The following SYT1 variants were observed in gnomAD, a reference collection of about 807,000 sequenced individuals.
SYT1 encodes the protein synaptotagmin 1.
SYT1 carries 8 observed loss-of-function variants against 44.8 expected under a neutral mutation model. The ratio of observed to expected loss-of-function variants is 0.18; its 90% CI spans 0.10 to 0.32. The LOEUF (loss-of-function observed/expected upper bound fraction) is 0.32. Among genes scored for constraint, SYT1 ranks in the 10% least tolerant of loss-of-function variants. SYT1 has a pLI of 1.00. For synonymous variants in SYT1, 154 were observed against 188.8 expected (o/e 0.82, Z 1.51); for missense variants, 286 against 509.3 (o/e 0.56, Z 4.22).
chr12:79,144,908 A>G (rs1869781623), intron 3 of SYT1, among the ~76,000 whole-genome samples: 2 of 152,176 alleles, frequency 1.3e-5, no homozygotes, highest in Admixed American at 1.3e-4. Context: ...ACACATTCAG[A>G]GCTTGGTACC....
chr12:79,041,175 C>A (rs1025116864), intron 2 of SYT1, among the ~76,000 whole-genome samples: 6 of 151,030 alleles, frequency 4.0e-5, no homozygotes, highest in African/African-American at 1.2e-4. Context: ...TCATTGGTAG[C>A]TTGATGGGGA....
chr12:79,424,973 G>C (rs1159055371), intron 9 of SYT1, among the ~76,000 whole-genome samples: 1 of 23,452 alleles, frequency 4.3e-5, no homozygotes. Flanking sequence ...TTTTTTTTTT[G>C]AGACATTTAA....
At chr12:79,135,962 C>G (rs1437095323) in intron 3 of SYT1, among the ~76,000 whole-genome samples, 1 of 152,174 alleles carries the variant, frequency 6.6e-6, no homozygotes, top group Non-Finnish European at 1.5e-5. Flanking sequence ...AGCTTTCACT[C>G]CAAGTCAACT....
intron 2 of SYT1, chr12:79,045,881 G>A (rs1874012828): frequency 6.6e-6 from 1 of 152,138 alleles, no homozygotes. Context: ...TTTTTTAATA[G>A]AATGTCTTTG....
chr12:79,180,384 C>T (rs1186140259), intron 3 of SYT1, among the ~76,000 whole-genome samples: 1 of 151,960 alleles, frequency 6.6e-6, no homozygotes, highest in Non-Finnish European at 1.5e-5. Context: ...CTAGACAAGC[C>T]TCAACATATG....
intron 3 of SYT1, among the ~76,000 whole-genome samples, chr12:79,212,707 T>G (rs1874534405): frequency 6.6e-6 from 1 of 152,234 alleles, no homozygotes; most frequent in Non-Finnish European, 1.5e-5. Flanking sequence ...AGATGACTTG[T>G]GTCTTCCATT....
chr12:79,203,399 G>T (rs1281393334), intron 3 of SYT1, among the ~76,000 whole-genome samples: 44 of 152,094 alleles, frequency 2.9e-4, no homozygotes, highest in Non-Finnish European at 1.5e-5. Context: ...TCACCACCCA[G>T]CAAAGGAGAT....
rs1005700954 is a variant in SYT1, at chr12:78,865,571, G to C, written c.-217+462G>C. Reference sequence around the variant, plus strand: ...CTGTTGGGGAGAGGGATATGGGGGGGGGGGGGAACGTAAACAAGATAGAAT... The same window carrying C: ...CTGTTGGGGAGAGGGATATGGGGGGCGGGGGGAACGTAAACAAGATAGAAT... On this transcript the variant is annotated intron_variant, in intron 1 of 10. Transcript: ENST00000261205. Among the ~76,000 whole-genome samples the C allele has an allele frequency of 7.9e-5, 12 of 152,028 alleles. No homozygotes were observed. In the East Asian group the frequency reaches 9.7e-4, roughly 12 times the overall value.
chr12:79,128,827 A>G (rs1448767924), intron 3 of SYT1, among the ~76,000 whole-genome samples: 3 of 152,178 alleles, frequency 2.0e-5, no homozygotes, highest in Non-Finnish European at 4.4e-5. Flanking sequence ...TTACCTTACT[A>G]ACTTCTCTTC....
intron 3 of SYT1, among the ~76,000 whole-genome samples, chr12:79,209,681 A>G (rs1874326509): frequency 6.6e-6 from 1 of 152,192 alleles, no homozygotes; most frequent in East Asian, 1.9e-4. Flanking sequence ...GCACTGCCTG[A>G]AGCTGGGGGA....
At chr12:79,013,062 G>A (rs1871526175) in intron 2 of SYT1, among the ~76,000 whole-genome samples, 1 of 151,980 alleles carries the variant, frequency 6.6e-6, no homozygotes. Flanking sequence ...TTTCACATGT[G>A]AGCTCAGGAG....
At chr12:79,335,768 C>CT (rs1253853347) in intron 8 of SYT1, among the ~76,000 whole-genome samples, 1 of 152,166 alleles carries the variant, frequency 6.6e-6, no homozygotes, top group African/African-American at 2.4e-5. Context: ...TCTCCAAGCA[C>CT]TTTCTTCTCA....
rs1565920012 is a variant in SYT1, at chr12:79,349,057, G to GAGAAAGAAAGAAAGAAAT, written c.811-4445_811-4444insAGAAAGAAAGAAAGAAAT. Among the ~76,000 whole-genome samples, 3 of 134,992 alleles carry GAGAAAGAAAGAAAGAAAT rather than the reference G, an allele frequency of 2.2e-5. No individual in the cohort carries two copies. The South Asian group carries it at 7.0e-4, about 32-fold the overall frequency. The allele number at this position is 134,992 out of a possible 152,430, so 88.6% of individuals were successfully genotyped here. On this transcript the variant is annotated intron_variant, in intron 8 of 10. Coordinates refer to ENST00000261205, the MANE Select transcript of SYT1 (RefSeq NM_005639.3). ...AAAAAGAAAGAAAGAAAGAAAGAAAGGAGGGAGGGAGGGAGGGAGGGAAGG... is the reference window on the plus strand; with the variant it reads ...AAAAAGAAAGAAAGAAAGAAAGAAAGAGAAAGAAAGAAAGAAATGAGGGAGGGAGGGAGGGAGGGAAGG...
intron 3 of SYT1, among the ~76,000 whole-genome samples, chr12:79,146,644 G>C (rs1869932241): frequency 6.6e-6 from 1 of 152,092 alleles, no homozygotes; most frequent in Admixed American, 6.5e-5. Context: ...ACAAAAAGGA[G>C]TGTCTGTACT....
At chr12:79,310,388 G>C (rs1441469939) in intron 8 of SYT1, among the ~76,000 whole-genome samples, 1 of 151,888 alleles carries the variant, frequency 6.6e-6, no homozygotes, top group Non-Finnish European at 1.5e-5. Flanking sequence ...CTCTGTTTTG[G>C]TACCAGTACC....
At chr12:78,879,745 C>A (rs1394130741) in intron 1 of SYT1, among the ~76,000 whole-genome samples, 1 of 151,790 alleles carries the variant, frequency 6.6e-6, no homozygotes, top group Non-Finnish European at 1.5e-5. Context: ...TTATCCTTAA[C>A]TTGACTTTCA....
At chr12:79,416,768 G>A (rs996050702) in intron 9 of SYT1, among the ~76,000 whole-genome samples, 4 of 152,108 alleles carry the variant, frequency 2.6e-5, no homozygotes, top group African/African-American at 9.7e-5. Flanking sequence ...ATGCATTTCT[G>A]CTTTGAAAGG....
chr12:79,086,131 C>T (rs941595159), intron 3 of SYT1, among the ~76,000 whole-genome samples: 1 of 151,936 alleles, frequency 6.6e-6, no homozygotes, highest in Non-Finnish European at 1.5e-5. Context: ...GAATCTAGAA[C>T]ATAAAGAAGA....
chr12:78,985,409 C>G (rs957744617), intron 2 of SYT1, among the ~76,000 whole-genome samples: 1 of 151,638 alleles, frequency 6.6e-6, no homozygotes, highest in Non-Finnish European at 1.5e-5. Flanking sequence ...TAAAATAACT[C>G]CCCTTCAAGA....
Sources: gnomAD v4.1 joint callset for allele counts (sites outside exome capture counted in the v4.1 genomes callset) on GRCh38, gnomAD v4.1.1 for gene constraint, MANE v1.5 for transcripts, NCBI Gene and HGNC (gene_info 2026-07-23, HGNC 2026-07-21) for gene names.